The following ASCC1 variants were observed in gnomAD, a reference collection of about 807,000 sequenced individuals.
ASCC1 encodes the protein activating signal cointegrator 1 complex subunit 1.
Under a neutral mutation model 46.6 loss-of-function variants are expected in ASCC1, and 35 were observed. The ratio of observed to expected loss-of-function variants is 0.75; its 90% CI spans 0.57 to 0.99. The LOEUF is 0.99. Among genes scored for constraint, ASCC1 ranks in the 50% least tolerant of loss-of-function variants. The pLI, the probability that ASCC1 is intolerant of heterozygous loss-of-function variation, is 0.00. For missense variants in ASCC1, 376 were observed against 428.7 expected, an observed-to-expected ratio of 0.88 and a Z score of 1.09; for synonymous variants, 143 against 146.6, an observed-to-expected ratio of 0.98 and a Z score of 0.18.
In ASCC1 at chr10:72,113,639, T is replaced by C. The variant is rs113404196; in HGVS notation, c.957+14443A>G. Among the ~76,000 whole-genome samples, 1,259 of 152,252 alleles carry C rather than the reference T, an allele frequency of 8.3e-3. 12 individuals carry two copies. Among genetic ancestry groups the C allele is most frequent in the African/African-American group, 0.028 (1,162 of 41,540 alleles). ...ATCTTCCTTTCCCTCACCCCCTAAA[T>C]AGACTGAAATAAGAAGCTACAACAC... On this transcript the variant is annotated intron_variant, in intron 9 of 9. Coordinates refer to ENST00000672957, the MANE Select transcript of ASCC1 (RefSeq NM_001198800.3).
Position 72,152,831 on chromosome 10 carries a change from C to T in ASCC1, c.746+38G>A, listed in dbSNP as rs1191260863. 3.7e-6 allele frequency: 6 copies of T among 1,613,474 alleles called. No individual in the cohort carries two copies. The South Asian group carries it at 5.5e-5, about 15-fold the overall frequency. ...AAACTTTTGAGGATGCTTTTAGGTA[C>T]CTCTTGATTGAAACAAAGAAGCATT... is the stretch of plus-strand genomic sequence containing the variant. On this transcript the variant is annotated intron_variant, in intron 7 of 9. Coordinates refer to ENST00000672957, the MANE Select transcript of ASCC1 (RefSeq NM_001198800.3).
intron 7 of ASCC1, among the ~76,000 whole-genome samples, chr10:72,148,254 G>A (rs1337858459): frequency 6.6e-6 from 1 of 152,106 alleles, no homozygotes; most frequent in Non-Finnish European, 1.5e-5. Context: ...ACCAGTTCAA[G>A]CTGTGTTCCT....
chr10:72,100,846 G>A (rs1321879219), intron 9 of ASCC1, among the ~76,000 whole-genome samples: 1 of 152,096 alleles, frequency 6.6e-6, no homozygotes, highest in Non-Finnish European at 1.5e-5. Context: ...TGGACAAAAT[G>A]ACAATGAAAA....
At chr10:72,107,095 T>C (rs1842419833) in intron 9 of ASCC1, among the ~76,000 whole-genome samples, 1 of 152,066 alleles carries the variant, frequency 6.6e-6, no homozygotes, top group Non-Finnish European at 1.5e-5. Flanking sequence ...TTCAGATGCA[T>C]TCCTCATAAA....
At chr10:72,118,471 T>C (rs550457303) in intron 9 of ASCC1, among the ~76,000 whole-genome samples, 16 of 151,452 alleles carry the variant, frequency 1.1e-4, no homozygotes, top group African/African-American at 3.6e-4. Flanking sequence ...CAACGTTTTC[T>C]TCCTCAAATG....
intron 5 of ASCC1, among the ~76,000 whole-genome samples, chr10:72,165,924 C>A (rs1850281378): frequency 6.6e-6 from 1 of 152,180 alleles, no homozygotes; most frequent in South Asian, 2.1e-4. Flanking sequence ...TTGTTGGGCC[C>A]TTGCTCTGCT....
At chr10:72,168,971 C>T (rs1442569173) in intron 5 of ASCC1, among the ~76,000 whole-genome samples, 1 of 152,164 alleles carries the variant, frequency 6.6e-6, no homozygotes, top group Non-Finnish European at 1.5e-5. Flanking sequence ...ACCCAACAAT[C>T]CTACTTCTAG....
At chr10:72,121,317 T>A (rs192498442) in intron 9 of ASCC1, among the ~76,000 whole-genome samples, 39 of 151,970 alleles carry the variant, frequency 2.6e-4, no homozygotes, top group Admixed American at 4.6e-4. Context: ...CTAATTTTTT[T>A]AATTTTTTGT....
At chr10:72,179,665 T>C (rs555256815) in intron 5 of ASCC1, among the ~76,000 whole-genome samples, 3 of 152,296 alleles carry the variant, frequency 2.0e-5, no homozygotes, top group African/African-American at 7.2e-5. Context: ...AAATGAGATA[T>C]AAATACCTAC....
At chr10:72,135,879 A>G (rs1383848821) in intron 7 of ASCC1, among the ~76,000 whole-genome samples, 1 of 152,234 alleles carries the variant, frequency 6.6e-6, no homozygotes, top group East Asian at 1.9e-4. Context: ...CAAAGAACAC[A>G]ATACATTCAA....
rs1847079017 is a variant in ASCC1, at chr10:72,142,049, T to C, written c.747-8868A>G. On this transcript the variant is annotated intron_variant, in intron 7 of 9. Coordinates refer to ENST00000672957, the MANE Select transcript of ASCC1 (RefSeq NM_001198800.3). Reference sequence around the variant, plus strand: ...TTAATGATAAATGTAGGCAACCCTGTTTTCTGATTGTAATGGGAATAAACC... The same window carrying C: ...TTAATGATAAATGTAGGCAACCCTGCTTTCTGATTGTAATGGGAATAAACC... 2.6e-5 allele frequency among the ~76,000 whole-genome samples: 4 copies of C among 152,332 alleles called. No individual in the cohort carries two copies. The South Asian group carries it at 6.2e-4, about 24-fold the overall frequency.
At chr10:72,210,111 C>T (rs922452780) in intron 3 of ASCC1, among the ~76,000 whole-genome samples, 1 of 151,908 alleles carries the variant, frequency 6.6e-6, no homozygotes, top group Non-Finnish European at 1.5e-5. Flanking sequence ...GATGCTGGTG[C>T]CATGCTTGTA....
At chr10:72,192,699 G>C (rs1249622817) in intron 5 of ASCC1, among the ~76,000 whole-genome samples, 2 of 152,070 alleles carry the variant, frequency 1.3e-5, no homozygotes, top group Non-Finnish European at 2.9e-5. Flanking sequence ...TCACCCTGTT[G>C]GCAAGGCTCG....
intron 4 of ASCC1, among the ~76,000 whole-genome samples, chr10:72,199,791 T>C (rs1417078598): frequency 1.3e-5 from 2 of 152,128 alleles, no homozygotes; most frequent in Non-Finnish European, 2.9e-5. Context: ...GGGAGTGCAC[T>C]GGTGCGATTG....
intron 9 of ASCC1, among the ~76,000 whole-genome samples, chr10:72,103,699 C>G (rs1314288383): frequency 6.6e-6 from 1 of 152,232 alleles, no homozygotes; most frequent in African/African-American, 2.4e-5. Flanking sequence ...TCATAAGACC[C>G]TCATTCGACA....
intron 9 of ASCC1, among the ~76,000 whole-genome samples, chr10:72,111,933 C>T (rs552110524): frequency 6.6e-6 from 1 of 152,350 alleles, no homozygotes; most frequent in African/African-American, 2.4e-5. Context: ...TGAGCCACCA[C>T]GCCAGGCCAA....
intron 9 of ASCC1, among the ~76,000 whole-genome samples, chr10:72,109,666 T>G (rs892396368): frequency 6.6e-6 from 1 of 152,198 alleles, no homozygotes; most frequent in Non-Finnish European, 1.5e-5. Flanking sequence ...AATGACCTAT[T>G]AGAGGATGAA....
intron 9 of ASCC1, among the ~76,000 whole-genome samples, chr10:72,105,716 G>A (rs1456500233): frequency 6.6e-6 from 1 of 152,074 alleles, no homozygotes; most frequent in Non-Finnish European, 1.5e-5. Context: ...AACACAAAGG[G>A]AATTATTGAT....
intron 9 of ASCC1, among the ~76,000 whole-genome samples, chr10:72,122,204 AC>A (rs924661343): frequency 6.6e-6 from 1 of 152,186 alleles, no homozygotes; most frequent in Non-Finnish European, 1.5e-5. Flanking sequence ...GCGGATCACA[AC>A]ATCAGGAGTT....
Sources: gnomAD v4.1 joint callset for allele counts (sites outside exome capture counted in the v4.1 genomes callset) on GRCh38, gnomAD v4.1.1 for gene constraint, MANE v1.5 for transcripts, NCBI Gene and HGNC (gene_info 2026-07-23, HGNC 2026-07-21) for gene names.